RFPL1: variants seen among roughly 807,000 people sequenced by gnomAD.
The protein encoded by RFPL1 is ret finger protein like 1.
RFPL1 carries 6 observed loss-of-function variants against 9.6 expected under a neutral mutation model. The observed-to-expected ratio is 0.62, with a 90% CI of 0.34 to 1.23. The LOEUF (loss-of-function observed/expected upper bound fraction) is 1.23, where lower values mean the gene tolerates loss of function less well. Among genes scored for constraint, RFPL1 ranks in the 50% most tolerant of loss-of-function variants. The pLI, the probability that RFPL1 is intolerant of heterozygous loss-of-function variation, is 0.03. For missense variants in RFPL1, 352 were observed against 398.4 expected (o/e 0.88, Z 0.99); for synonymous variants, 145 against 149.4 (o/e 0.97, Z 0.22).
the RFPL1 span, among the ~76,000 whole-genome samples, chr22:29,396,937 C>T: frequency 6.3e-5 from 8 of 126,986 alleles, no homozygotes; most frequent in African/African-American, 1.5e-4. Context: ...GACGGAGTCT[C>T]GCTGTGTCGC....
At chr22:29,423,260 G>A in the RFPL1 span, 7 of 1,264,778 alleles carry the variant, frequency 5.5e-6, no homozygotes, top group Admixed American at 1.2e-4. Context: ...TGCAGAGGGA[G>A]GAGGAGAAGG....
chr22:29,429,019 A>C, the RFPL1 span, among the ~76,000 whole-genome samples: 13 of 152,188 alleles, frequency 8.5e-5, no homozygotes. Context: ...ATAGAGACTT[A>C]AAAAACTCAC....
At chr22:29,429,954 G>A in the RFPL1 span, among the ~76,000 whole-genome samples, 3 of 150,532 alleles carry the variant, frequency 2.0e-5, no homozygotes, top group Non-Finnish European at 3.0e-5. Context: ...GAATCTCTCC[G>A]GTCTCTCTTT....
the RFPL1 span, among the ~76,000 whole-genome samples, chr22:29,418,365 G>T: frequency 4.6e-5 from 7 of 152,134 alleles, no homozygotes; most frequent in Admixed American, 1.3e-4. Context: ...GCACACCGGT[G>T]ACAAATTAGA....
At chr22:29,403,249 A>T in the RFPL1 span, among the ~76,000 whole-genome samples, 1 of 143,208 alleles carries the variant, frequency 7.0e-6, no homozygotes, top group Non-Finnish European at 1.5e-5. Context: ...CCAGAGAGGA[A>T]TTTCTTCTTT....
upstream of RFPL1, among the ~76,000 whole-genome samples, chr22:29,433,723 G>A (rs1040827993): frequency 6.6e-6 from 1 of 152,100 alleles, no homozygotes; most frequent in African/African-American, 2.4e-5. Context: ...GACAACAGAA[G>A]ATTTTGAAGA....
chr22:29,439,113 C>A (rs751162216), exon 1 of RFPL1: 2 of 1,614,094 alleles, frequency 1.2e-6, no homozygotes, highest in Admixed American at 3.3e-5. Context: ...GGAACTGGAG[C>A]CCAAGCTGAA....
chr22:29,399,830 T>C, the RFPL1 span, among the ~76,000 whole-genome samples: 1 of 152,172 alleles, frequency 6.6e-6, no homozygotes, highest in Non-Finnish European at 1.5e-5. Flanking sequence ...TTGTTGCTTT[T>C]TCTTTTAACT....
chr22:29,392,882 G>A, the RFPL1 span, among the ~76,000 whole-genome samples: 1 of 152,204 alleles, frequency 6.6e-6, no homozygotes, highest in Admixed American at 6.5e-5. Context: ...TGAGGGCCTG[G>A]TCCCAGAGCC....
chr22:29,421,045 A>G, the RFPL1 span, among the ~76,000 whole-genome samples: 2 of 152,070 alleles, frequency 1.3e-5, no homozygotes, highest in African/African-American at 4.8e-5. Context: ...CAGTGAGCAA[A>G]TGGAGGCTGT....
chr22:29,410,571 T>TC, the RFPL1 span, among the ~76,000 whole-genome samples: 2 of 81,824 alleles, frequency 2.4e-5, no homozygotes, highest in East Asian at 3.6e-4. Context: ...GATATATATA[T>TC]TGTAGATATA....
the RFPL1 span, among the ~76,000 whole-genome samples, chr22:29,401,903 T>C: frequency 1.3e-5 from 2 of 152,226 alleles, no homozygotes; most frequent in East Asian, 3.8e-4. Flanking sequence ...CCTCAGACAA[T>C]TGAATCCTCT....
chr22:29,406,863 C>T, the RFPL1 span, among the ~76,000 whole-genome samples: 4 of 152,150 alleles, frequency 2.6e-5, no homozygotes, highest in African/African-American at 7.2e-5. Flanking sequence ...GGGATTTGGC[C>T]TCTAGAAAAT....
intron 1 of RFPL1, chr22:29,441,268 A>G (rs1034791631): frequency 3.7e-5 from 17 of 463,994 alleles, no homozygotes; most frequent in Admixed American, 3.0e-4. Context: ...GCCTTCAGAG[A>G]CCCTCCACTC....
At chr22:29,388,618 C>T in the RFPL1 span, 2 of 152,268 alleles carry the variant, frequency 1.3e-5, no homozygotes, top group East Asian at 3.9e-4. Context: ...AAGGCGGGGT[C>T]AAGGGTACAA....
the RFPL1 span, among the ~76,000 whole-genome samples, chr22:29,398,877 T>C: frequency 6.6e-6 from 1 of 152,280 alleles, no homozygotes; most frequent in South Asian, 2.1e-4. Context: ...GGAACGAATA[T>C]ACAAAAGCTG....
the RFPL1 span, among the ~76,000 whole-genome samples, chr22:29,430,542 G>C: frequency 4.6e-5 from 7 of 152,146 alleles, no homozygotes; most frequent in East Asian, 1.3e-3. Flanking sequence ...AACAAAAACA[G>C]GATCTTGTAA....
chr22:29,422,678 G>A, the RFPL1 span, among the ~76,000 whole-genome samples: 1 of 152,112 alleles, frequency 6.6e-6, no homozygotes. Flanking sequence ...GGGAGGCAGA[G>A]GTTGCAGTGA....
chr22:29,390,101 T>C, the RFPL1 span, among the ~76,000 whole-genome samples: 1 of 152,224 alleles, frequency 6.6e-6, no homozygotes, highest in East Asian at 1.9e-4. Flanking sequence ...TTGGTATTTT[T>C]TAACTCACCA....
Sources: allele counts gnomAD v4.1 joint callset (sites outside exome capture counted in the v4.1 genomes callset), GRCh38; gene constraint gnomAD v4.1.1; transcripts MANE v1.5; gene names NCBI Gene and HGNC (gene_info 2026-07-23, HGNC 2026-07-21).